Variants in IL1RAPL1 observed in about 807,000 individuals in gnomAD.
IL1RAPL1 encodes the protein interleukin 1 receptor accessory protein like 1, also known as interleukin-1 receptor accessory protein-like 1.
Under a neutral mutation model 48.4 loss-of-function variants are expected in IL1RAPL1, and 3 were observed. The observed-to-expected ratio is 0.06, with a 90% CI of 0.03 to 0.16. IL1RAPL1 has a LOEUF of 0.16. Ranked by LOEUF, IL1RAPL1 falls within the 10% of genes least tolerant of loss-of-function variation. The pLI, the probability that IL1RAPL1 is intolerant of heterozygous loss-of-function variation, is 1.00. For synonymous variants in IL1RAPL1, 185 were observed against 187.7 expected (o/e 0.99, Z 0.12); for missense variants, 349 against 530.6 (o/e 0.66, Z 3.36).
At chrX:28,953,873 A>G (rs889777554) in intron 2 of IL1RAPL1, among the ~76,000 whole-genome samples, 2 of 111,484 alleles carry the variant, frequency 1.8e-5, no homozygotes, top group Non-Finnish European at 3.8e-5. Flanking sequence ...CCACACATCT[A>G]TAGGTTAAAT....
At chrX:29,784,586 A>G (rs1929448741) in intron 6 of IL1RAPL1, among the ~76,000 whole-genome samples, 1 of 111,538 alleles carries the variant, frequency 9.0e-6, no homozygotes, top group African/African-American at 3.3e-5. Flanking sequence ...GATACATAGT[A>G]TCATGAATGG....
intron 2 of IL1RAPL1, among the ~76,000 whole-genome samples, chrX:29,247,365 A>G (rs945354607): frequency 9.0e-6 from 1 of 111,618 alleles, no homozygotes; most frequent in Non-Finnish European, 1.9e-5. Flanking sequence ...TTCTGTGCTC[A>G]TCTGGGCATG....
intron 3 of IL1RAPL1, among the ~76,000 whole-genome samples, chrX:29,360,495 G>C (rs1933361585): frequency 8.9e-6 from 1 of 112,111 alleles, no homozygotes; most frequent in African/African-American, 3.2e-5. Flanking sequence ...ATAATTATAG[G>C]AGTCAGAGTT....
chrX:28,743,276 A>G (rs1426689213), intron 1 of IL1RAPL1, among the ~76,000 whole-genome samples: 1 of 111,634 alleles, frequency 9.0e-6, no homozygotes, highest in Non-Finnish European at 1.9e-5. Context: ...ATCACCTCGT[A>G]TTTTTAAATC....
At chrX:29,418,195 G>C (rs1166357855) in intron 5 of IL1RAPL1, among the ~76,000 whole-genome samples, 4 of 91,587 alleles carry the variant, frequency 4.4e-5, no homozygotes, top group Admixed American at 1.4e-4. Flanking sequence ...CATGATCTCG[G>C]CTCACTGCAA....
chrX:29,693,426 T>A (rs1482796182), intron 6 of IL1RAPL1, among the ~76,000 whole-genome samples: 1 of 109,233 alleles, frequency 9.2e-6, no homozygotes, highest in African/African-American at 3.4e-5. Flanking sequence ...TAATTTAAAA[T>A]CCCTTCATTT....
At chrX:28,933,535 G>T (rs982442835) in intron 2 of IL1RAPL1, among the ~76,000 whole-genome samples, 2 of 111,526 alleles carry the variant, frequency 1.8e-5, no homozygotes, top group Non-Finnish European at 3.8e-5. Flanking sequence ...AACTTGCTTA[G>T]CAGTGGGGAA....
At chrX:29,694,955 T>C (rs929952934) in intron 6 of IL1RAPL1, among the ~76,000 whole-genome samples, 6 of 111,013 alleles carry the variant, frequency 5.4e-5, no homozygotes, top group Non-Finnish European at 1.1e-4. Flanking sequence ...CAGTGTTGAC[T>C]TTGAGATTCA....
At chrX:29,911,971 C>T (rs977479916) in intron 6 of IL1RAPL1, among the ~76,000 whole-genome samples, 4 of 111,964 alleles carry the variant, frequency 3.6e-5, no homozygotes, top group African/African-American at 6.5e-5. Flanking sequence ...TTCCACCATA[C>T]GGATACTATA....
At chrX:29,283,420 C>T (rs761217909) in intron 3 of IL1RAPL1, among the ~76,000 whole-genome samples, 2 of 111,907 alleles carry the variant, frequency 1.8e-5, no homozygotes, top group South Asian at 3.7e-4. Context: ...TGGAGAAAAG[C>T]GATACCATCT....
intron 2 of IL1RAPL1, among the ~76,000 whole-genome samples, chrX:29,139,800 C>G (rs914670142): frequency 9.1e-6 from 1 of 109,702 alleles, no homozygotes; most frequent in African/African-American, 3.3e-5. Flanking sequence ...TATAATTTAC[C>G]CTACCAACAA....
At chrX:28,719,525 G>GT (rs1043415788) in intron 1 of IL1RAPL1, among the ~76,000 whole-genome samples, 5 of 109,931 alleles carry the variant, frequency 4.5e-5, no homozygotes, top group Admixed American at 9.8e-5. Flanking sequence ...AGAATAGACA[G>GT]TTTTTTTTTA....
chrX:29,535,508 C>A (rs1921202424), intron 5 of IL1RAPL1, among the ~76,000 whole-genome samples: 1 of 111,489 alleles, frequency 9.0e-6, no homozygotes, highest in Non-Finnish European at 1.9e-5. Context: ...ACCCACTCCT[C>A]CAGGTGGGAG....
At chrX:28,737,635 A>T (rs1935860228) in intron 1 of IL1RAPL1, among the ~76,000 whole-genome samples, 1 of 111,899 alleles carries the variant, frequency 8.9e-6, no homozygotes, top group Non-Finnish European at 1.9e-5. Flanking sequence ...TAATCAACAA[A>T]CTTGATTTCT....
chrX:29,440,211 A>G (rs1343215095), intron 5 of IL1RAPL1, among the ~76,000 whole-genome samples: 1 of 110,746 alleles, frequency 9.0e-6, no homozygotes, highest in Non-Finnish European at 1.9e-5. Context: ...TAGTCATTAA[A>G]AAATAAGAGA....
chrX:29,424,291 A>G (rs1351219368), intron 5 of IL1RAPL1, among the ~76,000 whole-genome samples: 3 of 103,598 alleles, frequency 2.9e-5, no homozygotes. Context: ...TTTTTCTTTC[A>G]TAGGGAAGAG....
At chrX:28,791,293 T>C (rs1449634725) in intron 2 of IL1RAPL1, among the ~76,000 whole-genome samples, 1 of 111,244 alleles carries the variant, frequency 9.0e-6, no homozygotes, top group East Asian at 2.8e-4. Context: ...GCTAGAAACA[T>C]GGGGCAGTTG....
At chrX:28,702,997 T>G (rs1420230739) in intron 1 of IL1RAPL1, among the ~76,000 whole-genome samples, 1 of 111,812 alleles carries the variant, frequency 8.9e-6, no homozygotes, top group African/African-American at 3.2e-5. Context: ...TGTCCAAGAA[T>G]GCAGATTGAC....
intron 2 of IL1RAPL1, among the ~76,000 whole-genome samples, chrX:29,184,162 A>G (rs1930204800): frequency 8.9e-6 from 1 of 111,750 alleles, no homozygotes; most frequent in East Asian, 2.8e-4. Flanking sequence ...ATTATAAAAT[A>G]TACACCGTCA....
Sources: allele counts gnomAD v4.1 joint callset (sites outside exome capture counted in the v4.1 genomes callset), GRCh38; gene constraint gnomAD v4.1.1; transcripts MANE v1.5; gene names NCBI Gene and HGNC (gene_info 2026-07-23, HGNC 2026-07-21).